Variants in SH3PXD2A observed in about 807,000 individuals in gnomAD.
The protein encoded by SH3PXD2A is SH3 and PX domain-containing protein 2A.
In SH3PXD2A, 32 loss-of-function variants were observed where a neutral mutation model predicts 115.2. The observed-to-expected ratio is 0.28, with a 90% confidence interval of 0.21 to 0.37. The LOEUF (loss-of-function observed/expected upper bound fraction) is 0.37. Ranked by LOEUF, SH3PXD2A falls within the 10% of genes least tolerant of loss-of-function variation. The pLI, the probability that SH3PXD2A is intolerant of heterozygous loss-of-function variation, is 1.00. For missense variants in SH3PXD2A, 1,328 were observed against 1,498.7 expected, an observed-to-expected ratio of 0.89 and a Z score of 1.88; for synonymous variants, 610 against 629.1, an observed-to-expected ratio of 0.97 and a Z score of 0.45.
intron 1 of SH3PXD2A, among the ~76,000 whole-genome samples, chr10:103,828,443 C>G (rs989621457): frequency 1.3e-5 from 2 of 152,168 alleles, no homozygotes; most frequent in Non-Finnish European, 2.9e-5. Context: ...GGGGGTGGCC[C>G]TGAGATAACC....
At chr10:103,787,120 C>T (rs918294827) in intron 2 of SH3PXD2A, among the ~76,000 whole-genome samples, 3 of 152,314 alleles carry the variant, frequency 2.0e-5, no homozygotes, top group South Asian at 2.1e-4. Flanking sequence ...AGGGAGCCTG[C>T]CCTAGACAGT....
At chr10:103,829,856 A>T (rs1042515773) in intron 1 of SH3PXD2A, among the ~76,000 whole-genome samples, 1 of 152,272 alleles carries the variant, frequency 6.6e-6, no homozygotes, top group Non-Finnish European at 1.5e-5. Context: ...ATTAGGTAGG[A>T]TTCTTTTACA....
At chr10:103,651,857 T>G (rs2037129399) in intron 8 of SH3PXD2A, among the ~76,000 whole-genome samples, 1 of 152,128 alleles carries the variant, frequency 6.6e-6, no homozygotes, top group Non-Finnish European at 1.5e-5. Context: ...GAACAGAACA[T>G]GCAGGCTTCT....
chr10:103,815,484 T>TAC (rs1171710097), intron 1 of SH3PXD2A, among the ~76,000 whole-genome samples: 4 of 148,880 alleles, frequency 2.7e-5, no homozygotes, highest in South Asian at 2.1e-4. Context: ...ATATATAATA[T>TAC]ACACACACAC....
chr10:103,795,928 AAGGCAGGAAGGAAG>A, intron 2 of SH3PXD2A, among the ~76,000 whole-genome samples: 1 of 118,038 alleles, frequency 8.5e-6, no homozygotes, highest in Non-Finnish European at 1.9e-5. Flanking sequence ...GGAAGGAAGG[AAGGCAGGAAGGAAG>A]GAAGGAAGGA....
At chr10:103,714,831 A>G (rs542231197) in intron 5 of SH3PXD2A, among the ~76,000 whole-genome samples, 1 of 152,322 alleles carries the variant, frequency 6.6e-6, no homozygotes, top group East Asian at 1.9e-4. Context: ...GGCTTTACAG[A>G]GCACACAGAG....
intron 1 of SH3PXD2A, among the ~76,000 whole-genome samples, chr10:103,806,606 C>T (rs2039205326): frequency 1.3e-5 from 2 of 152,220 alleles, no homozygotes; most frequent in African/African-American, 2.4e-5. Context: ...GTCAAGATAA[C>T]ATTACCCGGC....
At chr10:103,798,462 C>T (rs988365153) in intron 2 of SH3PXD2A, among the ~76,000 whole-genome samples, 22 of 152,256 alleles carry the variant, frequency 1.4e-4, no homozygotes, top group African/African-American at 4.8e-4. Context: ...GGCACACCAT[C>T]GCACCTCGCT....
chr10:103,771,832 C>T (rs2038825894), intron 2 of SH3PXD2A, among the ~76,000 whole-genome samples: 1 of 151,954 alleles, frequency 6.6e-6, no homozygotes, highest in Non-Finnish European at 1.5e-5. Context: ...GCTTCACAAC[C>T]TTCAACATGC....
chr10:103,764,550 T>A (rs9665618), intron 3 of SH3PXD2A, among the ~76,000 whole-genome samples: 16,617 of 152,254 alleles, frequency 0.11, 971 homozygotes, highest in South Asian at 0.14. Context: ...TCTCCATGCT[T>A]GACTTTTCCC....
At chr10:103,660,069 C>T (rs1303909817) in intron 8 of SH3PXD2A, among the ~76,000 whole-genome samples, 2 of 152,132 alleles carry the variant, frequency 1.3e-5, no homozygotes, top group Non-Finnish European at 2.9e-5. Flanking sequence ...AGGCTCCTCC[C>T]CTCTGGAAGT....
intron 6 of SH3PXD2A, among the ~76,000 whole-genome samples, chr10:103,678,716 G>A (rs1213171419): frequency 1.3e-5 from 2 of 152,134 alleles, no homozygotes; most frequent in Non-Finnish European, 2.9e-5. Flanking sequence ...CCCTGATGGA[G>A]GATATTTCAT....
chr10:103,673,905 G>C (rs2037496015), intron 6 of SH3PXD2A, among the ~76,000 whole-genome samples: 1 of 152,204 alleles, frequency 6.6e-6, no homozygotes, highest in Non-Finnish European at 1.5e-5. Context: ...CTGGGCTCTG[G>C]GGAGGGGAGG....
At chr10:103,750,614 T>G (rs926198541) in intron 3 of SH3PXD2A, among the ~76,000 whole-genome samples, 13 of 152,176 alleles carry the variant, frequency 8.5e-5, no homozygotes, top group Admixed American at 2.6e-4. Context: ...TGAGAATTAC[T>G]GACAGAATCT....
chr10:103,750,833 G>T (rs184827528), intron 3 of SH3PXD2A, among the ~76,000 whole-genome samples: 1 of 152,124 alleles, frequency 6.6e-6, no homozygotes, highest in Non-Finnish European at 1.5e-5. Flanking sequence ...AGCAAAATGC[G>T]ACACAGCCAA....
intron 6 of SH3PXD2A, 26 bp from the exon 7 acceptor site, chr10:103,668,678 C>A: frequency 6.6e-7 from 1 of 1,524,122 alleles, no homozygotes; most frequent in Non-Finnish European, 8.8e-7. Context: ...GAGCAAGCGG[C>A]AGCAGGAGAG....
intron 2 of SH3PXD2A, 80 bp downstream of exon 2, chr10:103,801,202 C>T (rs1589460490): frequency 2.4e-6 from 2 of 833,046 alleles, no homozygotes; most frequent in South Asian, 1.4e-5. Context: ...CTCTTGGGGG[C>T]TCCCTGGATA....
intron 5 of SH3PXD2A, among the ~76,000 whole-genome samples, chr10:103,706,783 A>G (rs1206460277): frequency 6.6e-6 from 1 of 151,868 alleles, no homozygotes; most frequent in Non-Finnish European, 1.5e-5. Flanking sequence ...CAGACCCTGC[A>G]TCTCTGCTCT....
intron 1 of SH3PXD2A, among the ~76,000 whole-genome samples, chr10:103,809,671 C>G: frequency 7.2e-6 from 1 of 139,400 alleles, no homozygotes; most frequent in African/African-American, 2.6e-5. Context: ...CCCTCCCTCC[C>G]TCCCTCCCTC....
Sources: gnomAD v4.1 joint callset for allele counts (sites outside exome capture counted in the v4.1 genomes callset) on GRCh38, gnomAD v4.1.1 for gene constraint, MANE v1.5 for transcripts, NCBI Gene and HGNC (gene_info 2026-07-23, HGNC 2026-07-21) for gene names.